PTN: variants seen among roughly 807,000 people sequenced by gnomAD.
PTN encodes pleiotrophin, also known as heparin affin regulatory protein.
PTN carries 18 observed loss-of-function variants against 24.1 expected under a neutral mutation model. The ratio of observed to expected loss-of-function variants is 0.75; its 90% CI spans 0.52 to 1.11. The LOEUF (loss-of-function observed/expected upper bound fraction) is 1.11. Ranked by LOEUF, PTN falls within the 50% of genes least tolerant of loss-of-function variation. The probability of loss-of-function intolerance (pLI) is 0.00; values close to 1 mark genes in which losing one functional copy is unlikely to be tolerated. For missense variants in PTN, 163 were observed against 198.8 expected (o/e 0.82, Z 1.08); for synonymous variants, 78 against 68.6 (o/e 1.14, Z -0.67).
intron 1 of PTN, among the ~76,000 whole-genome samples, chr7:137,275,438 G>C (rs1343965565): frequency 6.6e-6 from 1 of 152,148 alleles, no homozygotes; most frequent in Non-Finnish European, 1.5e-5. Context: ...TTATGAGGGA[G>C]ATACAGATGG....
intron 4 of PTN, among the ~76,000 whole-genome samples, chr7:137,237,448 C>T (rs1415819553): frequency 1.3e-5 from 2 of 152,108 alleles, no homozygotes; most frequent in Non-Finnish European, 2.9e-5. Context: ...CGATTTCAGA[C>T]TATATTTCAT....
intron 4 of PTN, among the ~76,000 whole-genome samples, chr7:137,231,812 C>A (rs190655846): frequency 6.6e-6 from 1 of 151,848 alleles, no homozygotes; most frequent in Non-Finnish European, 1.5e-5. Flanking sequence ...TACAAACATA[C>A]GTATATGAAA....
intron 1 of PTN, among the ~76,000 whole-genome samples, chr7:137,279,208 A>G (rs1336077622): frequency 6.6e-6 from 1 of 152,092 alleles, no homozygotes; most frequent in Non-Finnish European, 1.5e-5. Flanking sequence ...AAGCTAATAA[A>G]TCATAGCTAG....
intron 1 of PTN, among the ~76,000 whole-genome samples, chr7:137,268,125 C>T (rs1007750003): frequency 6.6e-6 from 1 of 152,072 alleles, no homozygotes; most frequent in African/African-American, 2.4e-5. Context: ...CAGTTCCTTC[C>T]CGGTGTTCAG....
At chr7:137,338,707 T>C (rs1810486535) in intron 1 of PTN, among the ~76,000 whole-genome samples, 1 of 152,194 alleles carries the variant, frequency 6.6e-6, no homozygotes, top group Non-Finnish European at 1.5e-5. Context: ...CTACCTACCA[T>C]ATAGTATGTC....
chr7:137,290,477 T>C (rs1041659087), intron 1 of PTN, among the ~76,000 whole-genome samples: 3 of 152,204 alleles, frequency 2.0e-5, no homozygotes, highest in African/African-American at 7.2e-5. Flanking sequence ...AGTAGTAGGT[T>C]CATCAAATTC....
intron 1 of PTN, among the ~76,000 whole-genome samples, chr7:137,276,252 C>T (rs1251265820): frequency 6.6e-6 from 1 of 152,094 alleles, no homozygotes; most frequent in Admixed American, 6.6e-5. Flanking sequence ...AAATTTGTGC[C>T]AGAAAAGGAA....
At chr7:137,251,769 C>T (rs1358071657) in intron 3 of PTN, among the ~76,000 whole-genome samples, 2 of 151,788 alleles carry the variant, frequency 1.3e-5, no homozygotes, top group Non-Finnish European at 2.9e-5. Flanking sequence ...AAAAATGTTG[C>T]ATAAATGGAA....
intron 1 of PTN, among the ~76,000 whole-genome samples, chr7:137,280,159 T>C (rs977200953): frequency 6.6e-6 from 1 of 152,312 alleles, no homozygotes; most frequent in Non-Finnish European, 1.5e-5. Context: ...TGTGATTTAA[T>C]TCTTAGAAAA....
At chr7:137,311,231 C>CAA (rs35319700) in intron 1 of PTN, among the ~76,000 whole-genome samples, 33 of 101,612 alleles carry the variant, frequency 3.2e-4, no homozygotes, top group African/African-American at 1.2e-3. Flanking sequence ...GACTCCATTT[C>CAA]AAAAAAAAAA....
At chr7:137,233,127 T>G (rs754993484) in intron 4 of PTN, among the ~76,000 whole-genome samples, 1 of 151,970 alleles carries the variant, frequency 6.6e-6, no homozygotes, top group Non-Finnish European at 1.5e-5. Context: ...TTTTCTATGC[T>G]GAATAGAAAA....
At chr7:137,239,908 G>A (rs929100560) in intron 4 of PTN, among the ~76,000 whole-genome samples, 2 of 152,096 alleles carry the variant, frequency 1.3e-5, no homozygotes, top group East Asian at 1.9e-4. Context: ...ATTTGGGAAG[G>A]GAAGTCTGGC....
intron 1 of PTN, among the ~76,000 whole-genome samples, chr7:137,297,295 A>C (rs1809733490): frequency 6.6e-6 from 1 of 152,144 alleles, no homozygotes; most frequent in Non-Finnish European, 1.5e-5. Flanking sequence ...GCATACGTGG[A>C]GGTGGCGAAG....
chr7:137,228,416 T>C (rs756527774), intron 4 of PTN, among the ~76,000 whole-genome samples: 3 of 151,760 alleles, frequency 2.0e-5, no homozygotes, highest in Non-Finnish European at 2.9e-5. Context: ...GCTTAGAAAA[T>C]AGAAATACAG....
intron 1 of PTN, among the ~76,000 whole-genome samples, chr7:137,295,359 T>C (rs2128877772): frequency 6.6e-6 from 1 of 152,236 alleles, no homozygotes; most frequent in South Asian, 2.1e-4. Flanking sequence ...CAGATACCAT[T>C]GTAGCTCTGC....
intron 4 of PTN, among the ~76,000 whole-genome samples, chr7:137,244,018 G>T (rs1808679638): frequency 6.6e-6 from 1 of 152,258 alleles, no homozygotes. Context: ...TGCTTAACGA[G>T]CTAGAGTAGA....
At chr7:137,276,205 G>A (rs542710175) in intron 1 of PTN, among the ~76,000 whole-genome samples, 88 of 152,224 alleles carry the variant, frequency 5.8e-4, no homozygotes, top group African/African-American at 2.0e-3. Flanking sequence ...TTTTGAAGAC[G>A]GATCTAAATT....
intron 1 of PTN, among the ~76,000 whole-genome samples, chr7:137,332,516 A>G (rs1313698537): frequency 6.6e-6 from 1 of 152,206 alleles, no homozygotes; most frequent in Non-Finnish European, 1.5e-5. Context: ...TGAAATGTAT[A>G]TTGTAAATAA....
chr7:137,285,766 A>T (rs111593695), intron 1 of PTN, among the ~76,000 whole-genome samples: 1,757 of 152,364 alleles, frequency 0.012, 18 homozygotes, highest in Non-Finnish European at 0.016. Flanking sequence ...TAAATCCAGC[A>T]ACTTCATGTA....
Sources: gnomAD v4.1 joint callset for allele counts (sites outside exome capture counted in the v4.1 genomes callset) on GRCh38, gnomAD v4.1.1 for gene constraint, MANE v1.5 for transcripts, NCBI Gene and HGNC (gene_info 2026-07-23, HGNC 2026-07-21) for gene names.